TMEM132D: variants seen among roughly 807,000 people sequenced by gnomAD.
TMEM132D encodes transmembrane protein 132D.
Under a neutral mutation model 62.3 loss-of-function variants are expected in TMEM132D, and 21 were observed. The ratio of observed to expected loss-of-function variants is 0.34; its 90% CI spans 0.24 to 0.49. The LOEUF is 0.49. Ranked by LOEUF, TMEM132D falls within the 20% of genes least tolerant of loss-of-function variation. The pLI is 0.99. For synonymous variants in TMEM132D, 621 were observed against 575.6 expected (o/e 1.08, Z -1.13); for missense variants, 1,346 against 1,402.8 (o/e 0.96, Z 0.65).
chr12:129,551,026 C>T (rs563246285), intron 2 of TMEM132D, among the ~76,000 whole-genome samples: 11 of 152,340 alleles, frequency 7.2e-5, no homozygotes, highest in African/African-American at 2.6e-4. Flanking sequence ...GAAGCCCCAC[C>T]ACAAAGTAGT....
intron 2 of TMEM132D, among the ~76,000 whole-genome samples, chr12:129,654,049 G>A (rs1050207890): frequency 2.0e-5 from 3 of 152,152 alleles, no homozygotes; most frequent in Admixed American, 2.0e-4. Flanking sequence ...CAGTTACTTT[G>A]TAGAATGTCC....
rs369491698 is a variant in TMEM132D, at chr12:129,081,940, G to C, written c.1742C>G (p.Thr581Arg). Residue 581 changes from threonine to arginine, a missense_variant, in exon 7 of 9, where the codon ACG becomes AGG. Thr to Arg is a moderately conservative substitution (Grantham distance 71). Coordinates refer to ENST00000422113, the MANE Select transcript of TMEM132D (RefSeq NM_133448.3). Reference protein sequence around the residue: ...QYQHAMVRVLTQFVAEAAGPG... With the variant: ...QYQHAMVRVLRQFVAEAAGPG... ...GCCGGCCGCCTCAGCCACAAACTGC[G>C]TCAGGACCCGCACCATGGCGTGCTG... 6.2e-7 allele frequency: 1 copy of C among 1,614,052 alleles called. No homozygotes were observed. Among genetic ancestry groups the C allele is most frequent in the Non-Finnish European group, 8.5e-7 (1 of 1,180,032 alleles).
At chr12:129,454,384 T>C (rs1873394361) in intron 3 of TMEM132D, among the ~76,000 whole-genome samples, 1 of 152,176 alleles carries the variant, frequency 6.6e-6, no homozygotes, top group Non-Finnish European at 1.5e-5. Context: ...GGATCAATAA[T>C]GTCAGAGAGG....
At chr12:129,865,297 G>T (rs959660370) in intron 1 of TMEM132D, among the ~76,000 whole-genome samples, 5 of 152,188 alleles carry the variant, frequency 3.3e-5, no homozygotes, top group Non-Finnish European at 5.9e-5. Context: ...GGAGGCAGGG[G>T]TTCCATGAAC....
intron 5 of TMEM132D, among the ~76,000 whole-genome samples, chr12:129,194,982 C>G (rs2135558210): frequency 6.6e-6 from 1 of 152,256 alleles, no homozygotes; most frequent in South Asian, 2.1e-4. Flanking sequence ...AGGCATTTTT[C>G]CAGGCACCGG....
At chr12:129,695,055 C>T (rs771665318) in intron 2 of TMEM132D, among the ~76,000 whole-genome samples, 4 of 152,148 alleles carry the variant, frequency 2.6e-5, no homozygotes, top group African/African-American at 9.7e-5. Flanking sequence ...GACCACGAGG[C>T]ACCCCTGCAG....
rs1289854067 is a variant in TMEM132D, at chr12:129,766,029, G to T, written c.80-65331C>A. 2.0e-5 allele frequency among the ~76,000 whole-genome samples: 3 copies of T among 152,150 alleles called. No individual in the cohort carries two copies. In the East Asian group the frequency reaches 5.8e-4, roughly 29 times the overall value. On this transcript the variant is annotated intron_variant, in intron 1 of 8. Transcript: ENST00000422113. ...TTGGACTTGTTCTGGACAATGAGGC[G>T]GAGGCAGAAGTGCCCTGTGTGATTC... is the stretch of plus-strand genomic sequence containing the variant.
At chr12:129,881,843 C>T (rs1874606221) in intron 1 of TMEM132D, among the ~76,000 whole-genome samples, 1 of 151,970 alleles carries the variant, frequency 6.6e-6, no homozygotes, top group East Asian at 1.9e-4. Flanking sequence ...GAAAAGCTGC[C>T]TCTTTGAGTT....
intron 1 of TMEM132D, among the ~76,000 whole-genome samples, chr12:129,789,273 G>A (rs1226496414): frequency 6.6e-6 from 1 of 151,762 alleles, no homozygotes; most frequent in Admixed American, 6.6e-5. Context: ...GCCCCTTTAA[G>A]TCCTCACAGC....
chr12:129,772,884 T>G (rs998810958), intron 1 of TMEM132D, among the ~76,000 whole-genome samples: 1 of 152,254 alleles, frequency 6.6e-6, no homozygotes, highest in Non-Finnish European at 1.5e-5. Flanking sequence ...CCACATCATT[T>G]ATCTTTTTTA....
chr12:129,721,847 C>T (rs771624757), intron 1 of TMEM132D, among the ~76,000 whole-genome samples: 1 of 152,210 alleles, frequency 6.6e-6, no homozygotes, highest in African/African-American at 2.4e-5. Flanking sequence ...CAAGCGGGCT[C>T]TCCCACCCAT....
At chr12:129,381,180 G>A (rs996776761) in intron 3 of TMEM132D, among the ~76,000 whole-genome samples, 6 of 152,320 alleles carry the variant, frequency 3.9e-5, no homozygotes, top group South Asian at 2.1e-4. Flanking sequence ...CAAAGCCATC[G>A]TTGCTGGCTC....
At position 129,826,184 on chromosome 12, in the gene TMEM132D, G is replaced by A. The variant is rs571177371; in HGVS notation, c.79+77077C>T. Among the ~76,000 whole-genome samples, 83 of 152,322 alleles carry A rather than the reference G, an allele frequency of 5.4e-4. 1 individual carries two copies. The South Asian group carries it at 0.016, about 30-fold the overall frequency. ...CAGGTGACAACTTCAAGGGCCGCAC[G>A]TGTCTCCACTGTGACCACGGGAGCA... On this transcript the variant is annotated intron_variant, in intron 1 of 8. Transcript: ENST00000422113.
chr12:129,594,691 C>A (rs185926263), intron 2 of TMEM132D, among the ~76,000 whole-genome samples: 32 of 152,306 alleles, frequency 2.1e-4, no homozygotes, highest in Admixed American at 5.2e-4. Flanking sequence ...CAGTACTGGG[C>A]ACTTTGCCTT....
At chr12:129,238,458 C>G (rs150060720) in intron 4 of TMEM132D, among the ~76,000 whole-genome samples, 1 of 152,306 alleles carries the variant, frequency 6.6e-6, no homozygotes, top group Non-Finnish European at 1.5e-5. Context: ...TGAAACCCTA[C>G]TCACATTAAA....
chr12:129,627,469 A>G (rs1879252537), intron 2 of TMEM132D, among the ~76,000 whole-genome samples: 2 of 152,312 alleles, frequency 1.3e-5, no homozygotes, highest in African/African-American at 4.8e-5. Flanking sequence ...CTGCACATCA[A>G]TGAAACCACA....
At chr12:129,777,925 G>A (rs1870993864) in intron 1 of TMEM132D, among the ~76,000 whole-genome samples, 2 of 151,988 alleles carry the variant, frequency 1.3e-5, no homozygotes, top group Admixed American at 6.6e-5. Flanking sequence ...CTTGAGCCCA[G>A]GAGTTCAAGA....
chr12:129,528,225 T>C (rs1364815483), intron 3 of TMEM132D, among the ~76,000 whole-genome samples: 1 of 152,196 alleles, frequency 6.6e-6, no homozygotes, highest in Non-Finnish European at 1.5e-5. Flanking sequence ...CCAATTATCC[T>C]TAAGAAAAAC....
chr12:129,226,115 G>A (rs1230580648), intron 4 of TMEM132D, among the ~76,000 whole-genome samples: 1 of 152,338 alleles, frequency 6.6e-6, no homozygotes, highest in East Asian at 1.9e-4. Context: ...TTCGCATCAT[G>A]TGTTTGCTCT....
Sources: gnomAD v4.1 joint callset for allele counts (sites outside exome capture counted in the v4.1 genomes callset) on GRCh38, gnomAD v4.1.1 for gene constraint, MANE v1.5 for transcripts, NCBI Gene and HGNC (gene_info 2026-07-23, HGNC 2026-07-21) for gene names.